The following PKP4 variants were observed in gnomAD, a reference collection of about 807,000 sequenced individuals.
The protein encoded by PKP4 is plakophilin 4, also known as plakophilin-4.
Under a neutral mutation model 145.1 loss-of-function variants are expected in PKP4, and 90 were observed. The ratio of observed to expected loss-of-function variants is 0.62; its 90% CI spans 0.52 to 0.74. The LOEUF (loss-of-function observed/expected upper bound fraction) is 0.74, where lower values mean the gene tolerates loss of function less well. PKP4 is among the 30% of genes least tolerant of loss of function. The pLI is 0.00. For synonymous variants in PKP4, 563 were observed against 577.2 expected, an observed-to-expected ratio of 0.98 and a Z score of 0.35; for missense variants, 1,340 against 1,482.7, an observed-to-expected ratio of 0.90 and a Z score of 1.58.
At chr2:158,463,568 C>T (rs1000080278) in intron 1 of PKP4, among the ~76,000 whole-genome samples, 1 of 152,136 alleles carries the variant, frequency 6.6e-6, no homozygotes, top group Non-Finnish European at 1.5e-5. Flanking sequence ...CTGGCTTTGC[C>T]ACTATGCAGG....
chr2:158,552,842 A>C (rs945452954), intron 2 of PKP4, among the ~76,000 whole-genome samples: 1 of 152,216 alleles, frequency 6.6e-6, no homozygotes, highest in African/African-American at 2.4e-5. Context: ...TTAATTTAAA[A>C]CTGTATTGCT....
chr2:158,485,207 G>A (rs998293790), intron 1 of PKP4, among the ~76,000 whole-genome samples: 1 of 152,128 alleles, frequency 6.6e-6, no homozygotes, highest in Non-Finnish European at 1.5e-5. Flanking sequence ...TAAAACAATA[G>A]TCATTGTTTA....
chr2:158,554,984 C>T (rs1324212934), intron 2 of PKP4, among the ~76,000 whole-genome samples: 1 of 151,738 alleles, frequency 6.6e-6, no homozygotes, highest in Non-Finnish European at 1.5e-5. Flanking sequence ...TTTAAATAAT[C>T]CTGAATATTC....
chr2:158,679,798 T>C (rs1338541067), intron 21 of PKP4, among the ~76,000 whole-genome samples: 1 of 152,232 alleles, frequency 6.6e-6, no homozygotes, highest in Non-Finnish European at 1.5e-5. Context: ...TTTGCTCACG[T>C]GTGTCTCCTA....
intron 1 of PKP4, among the ~76,000 whole-genome samples, chr2:158,471,227 G>T (rs1240132353): frequency 2.0e-4 from 30 of 152,176 alleles, no homozygotes; most frequent in Admixed American, 2.0e-3. Context: ...CCAAAGAATA[G>T]AATTAAAAGA....
Position 158,663,350 on chromosome 2 carries a change from A to G in PKP4, c.2482A>G (p.Lys828Glu), listed in dbSNP as rs760464766. ...GATGCTGTGGCACCCATCGGTGGTA[A>G]AACCATATCTGACTCTTCTAGCAGA... ...VEMLWHPSVV[K>E]PYLTLLAESS... Residue 828 changes from lysine to glutamate, a missense_variant, in exon 15 of 22, where the codon AAA (lysine) becomes GAA (glutamate). Lys to Glu is a moderately conservative substitution (Grantham distance 56). Transcript: ENST00000389759. The G allele has an allele frequency of 6.2e-7, 1 of 1,614,106 alleles. No individual in the cohort carries two copies. Among genetic ancestry groups the G allele is most frequent in the African/African-American group, 1.3e-5 (1 of 75,040 alleles).
intron 2 of PKP4, among the ~76,000 whole-genome samples, chr2:158,534,537 C>T (rs2105634684): frequency 6.6e-6 from 1 of 152,308 alleles, no homozygotes; most frequent in Non-Finnish European, 1.5e-5. Flanking sequence ...TCTTCGATAG[C>T]ACTTCATAGT....
In PKP4 at chr2:158,582,735, C is replaced by T. The variant is rs115435574; in HGVS notation, c.245+5352C>T. On this transcript the variant is annotated intron_variant, in intron 3 of 21. Transcript: ENST00000389759. The stretch of plus-strand genomic sequence containing the variant: ...TTCCAGTAAATTACAAAAACAAGCT[C>T]ATAGGGCTCTTTCTTCCATTGTTAA... 9.4e-3 allele frequency among the ~76,000 whole-genome samples: 1,422 copies of T among 151,570 alleles called. 21 individuals are homozygous for T. The highest frequency in any genetic ancestry group is 0.031 in the African/African-American group (1,304 of 41,506).
chr2:158,655,569 GAT>G (rs3836171), intron 11 of PKP4, among the ~76,000 whole-genome samples: 100,015 of 151,958 alleles, frequency 0.66, 36,106 homozygotes, highest in East Asian at 0.92. Flanking sequence ...ATTATAGTAT[GAT>G]ATAGACTTTA....
At chr2:158,482,349 A>C (rs547557792) in intron 1 of PKP4, among the ~76,000 whole-genome samples, 2 of 151,872 alleles carry the variant, frequency 1.3e-5, no homozygotes, top group East Asian at 1.9e-4. Context: ...TGGTCTTGCT[A>C]TGTTGCCCAG....
At chr2:158,674,482 G>A (rs551270908) in intron 19 of PKP4, among the ~76,000 whole-genome samples, 17 of 152,270 alleles carry the variant, frequency 1.1e-4, no homozygotes, top group South Asian at 1.0e-3. Context: ...CTTCAGATCC[G>A]CAACCTGGGA....
intron 3 of PKP4, among the ~76,000 whole-genome samples, chr2:158,589,963 A>T (rs1039398711): frequency 6.6e-6 from 1 of 152,132 alleles, no homozygotes; most frequent in Admixed American, 6.6e-5. Context: ...TTGTCGTAAA[A>T]ATGTACATGG....
At chr2:158,479,668 A>G (rs529082585) in intron 1 of PKP4, among the ~76,000 whole-genome samples, 1 of 152,334 alleles carries the variant, frequency 6.6e-6, no homozygotes, top group Non-Finnish European at 1.5e-5. Context: ...CAATTTGGAA[A>G]GGAGTTCAAC....
chr2:158,560,401 T>C lies in PKP4; in HGVS notation c.133-16870T>C, dbSNP rs369202747. On this transcript the variant is annotated intron_variant, in intron 2 of 21. Coordinates refer to ENST00000389759, the MANE Select transcript of PKP4 (RefSeq NM_003628.6). ...TTATGTAAAAAAAAAATGGATCTTC[T>C]GTATATGAAGTTTAAGAGGAAAGAA... Among the ~76,000 whole-genome samples the C allele has an allele frequency of 4.9e-4, 75 of 152,264 alleles. 2 individuals are homozygous for C. In the South Asian group the frequency reaches 0.015, roughly 30 times the overall value.
At chr2:158,663,524 T>C in intron 15 of PKP4, 79 bp downstream of exon 15, 1 of 1,242,220 alleles carries the variant, frequency 8.1e-7, no homozygotes, top group Non-Finnish European at 1.1e-6. Flanking sequence ...ATGTTCTGCC[T>C]CAGTCAGATC....
chr2:158,491,014 A>G (rs1351748404), intron 1 of PKP4, among the ~76,000 whole-genome samples: 2 of 152,172 alleles, frequency 1.3e-5, no homozygotes, highest in Non-Finnish European at 2.9e-5. Context: ...TATGTAAATC[A>G]TTACATAAAT....
intron 1 of PKP4, among the ~76,000 whole-genome samples, chr2:158,520,707 C>T (rs1043370042): frequency 6.6e-6 from 1 of 152,232 alleles, no homozygotes; most frequent in African/African-American, 2.4e-5. Flanking sequence ...GAGATCACAG[C>T]CCCCTCTCTC....
chr2:158,556,001 A>G (rs1255890867), intron 2 of PKP4, among the ~76,000 whole-genome samples: 2 of 152,210 alleles, frequency 1.3e-5, no homozygotes, highest in Non-Finnish European at 2.9e-5. Flanking sequence ...GGGCATTTAT[A>G]TTCTGTCATA....
At chr2:158,489,150 AGAGTC>A (rs1694584434) in intron 1 of PKP4, among the ~76,000 whole-genome samples, 1 of 152,072 alleles carries the variant, frequency 6.6e-6, no homozygotes, top group Non-Finnish European at 1.5e-5. Flanking sequence ...CACATACAGT[AGAGTC>A]ATTTTTTTTT....
Sources: allele counts gnomAD v4.1 joint callset (sites outside exome capture counted in the v4.1 genomes callset), GRCh38; gene constraint gnomAD v4.1.1; transcripts MANE v1.5; gene names NCBI Gene and HGNC (gene_info 2026-07-23, HGNC 2026-07-21).